Variants in GPHN observed in about 807,000 individuals in gnomAD.
GPHN encodes the protein gephyrin.
A neutral mutation model predicts 95.5 loss-of-function variants in GPHN; 17 were observed. The observed-to-expected ratio is 0.18, with a 90% CI of 0.12 to 0.27. The LOEUF (loss-of-function observed/expected upper bound fraction) is 0.27. GPHN is among the 10% of genes least tolerant of loss of function. The pLI is 1.00. For missense variants in GPHN, 660 were observed against 978.1 expected (o/e 0.67, Z 4.34); for synonymous variants, 320 against 322.5 (o/e 0.99, Z 0.08).
the GPHN span, chr14:67,323,638 C>A: frequency 3.4e-5 from 14 of 416,232 alleles, no homozygotes; most frequent in African/African-American, 7.3e-5. Flanking sequence ...ATATATATAT[C>A]AGTATTATTA....
intron 19 of GPHN, 103 bp from the exon 20 acceptor site, chr14:67,165,059 T>C: frequency 1.2e-6 from 1 of 801,870 alleles, no homozygotes. Flanking sequence ...CAGAAAAGTG[T>C]TTTTTATATG....
the GPHN span, among the ~76,000 whole-genome samples, chr14:67,667,977 G>A: frequency 2.4e-4 from 36 of 152,086 alleles, 2 homozygotes; most frequent in African/African-American, 8.7e-4. Flanking sequence ...AAAAAAATGA[G>A]GAGTTAGAAT....
chr14:67,584,438 T>C, the GPHN span, among the ~76,000 whole-genome samples: 1 of 152,236 alleles, frequency 6.6e-6, no homozygotes, highest in Non-Finnish European at 1.5e-5. Context: ...AAGAACAATG[T>C]ATAACCTAAA....
intron 5 of GPHN, among the ~76,000 whole-genome samples, chr14:66,883,446 A>T (rs998699822): frequency 2.6e-5 from 4 of 152,042 alleles, no homozygotes; most frequent in African/African-American, 9.7e-5. Context: ...CATGGAGAAT[A>T]GTTATAATAA....
At chr14:67,623,250 A>G in the GPHN span, among the ~76,000 whole-genome samples, 2 of 152,300 alleles carry the variant, frequency 1.3e-5, no homozygotes, top group Admixed American at 1.3e-4. Flanking sequence ...GTACCAAGAG[A>G]CATTTCAGTT....
intron 9 of GPHN, among the ~76,000 whole-genome samples, chr14:67,013,777 G>A (rs1477317720): frequency 6.6e-6 from 1 of 151,476 alleles, no homozygotes; most frequent in African/African-American, 2.4e-5. Flanking sequence ...TAAAGCATTA[G>A]GGTTTTTTTA....
At chr14:66,911,032 A>T (rs1392032628) in intron 5 of GPHN, among the ~76,000 whole-genome samples, 1 of 152,080 alleles carries the variant, frequency 6.6e-6, no homozygotes, top group Non-Finnish European at 1.5e-5. Context: ...TTTGTATATA[A>T]ATTTCAAAAG....
At chr14:67,081,794 C>A (rs942150794) in intron 11 of GPHN, among the ~76,000 whole-genome samples, 1 of 152,148 alleles carries the variant, frequency 6.6e-6, no homozygotes, top group Admixed American at 6.5e-5. Flanking sequence ...AGAGGAGGAT[C>A]CAGTTTCATT....
At chr14:67,500,879 T>C in the GPHN span, among the ~76,000 whole-genome samples, 20 of 151,912 alleles carry the variant, frequency 1.3e-4, no homozygotes, top group Non-Finnish European at 2.5e-4. Flanking sequence ...CCTGGATATT[T>C]TTTAAAGTTT....
chr14:66,509,670 G>A (rs2057959397), intron 1 of GPHN, among the ~76,000 whole-genome samples: 2 of 152,198 alleles, frequency 1.3e-5, no homozygotes, highest in African/African-American at 2.4e-5. Flanking sequence ...TTAGTTTGGA[G>A]TGAAGGAAAT....
At chr14:67,629,194 GGT>G in the GPHN span, among the ~76,000 whole-genome samples, 1 of 152,122 alleles carries the variant, frequency 6.6e-6, no homozygotes, top group South Asian at 2.1e-4. Context: ...AAATTAGCCA[GGT>G]GTGGTGGTGC....
the GPHN span, among the ~76,000 whole-genome samples, chr14:67,409,226 G>C: frequency 6.6e-6 from 1 of 151,968 alleles, no homozygotes; most frequent in East Asian, 1.9e-4. Flanking sequence ...CTGGGCAACA[G>C]AGTGAGACCC....
the GPHN span, among the ~76,000 whole-genome samples, chr14:67,206,706 G>A: frequency 6.6e-6 from 1 of 151,826 alleles, no homozygotes; most frequent in African/African-American, 2.4e-5. Flanking sequence ...TCTGGGCAGT[G>A]GCATCAAACA....
intron 11 of GPHN, among the ~76,000 whole-genome samples, chr14:67,078,720 G>A (rs1489808797): frequency 1.3e-5 from 2 of 152,100 alleles, no homozygotes; most frequent in Non-Finnish European, 2.9e-5. Context: ...AAATTGTTTA[G>A]TCCTAAACTT....
At chr14:67,187,451 C>G in the GPHN span, among the ~76,000 whole-genome samples, 2 of 152,168 alleles carry the variant, frequency 1.3e-5, no homozygotes, top group African/African-American at 2.4e-5. Flanking sequence ...CAAGTTAACT[C>G]CCTCCTTTCC....
chr14:67,589,847 G>A, the GPHN span: 15 of 1,203,880 alleles, frequency 1.2e-5, no homozygotes, highest in Non-Finnish European at 1.5e-5. Flanking sequence ...AAATTCTTAA[G>A]GTCTCCCCTC....
At chr14:67,683,147 G>A in the GPHN span, among the ~76,000 whole-genome samples, 2 of 152,200 alleles carry the variant, frequency 1.3e-5, no homozygotes, top group South Asian at 2.1e-4. Context: ...TGGTCTACAC[G>A]GCTGCTGTTG....
the GPHN span, among the ~76,000 whole-genome samples, chr14:67,398,701 C>T: frequency 1.8e-4 from 28 of 152,066 alleles, no homozygotes; most frequent in African/African-American, 6.5e-4. Context: ...GGACTACAAG[C>T]GTGTGCCACC....
chr14:66,601,976 T>G (rs926731141), intron 1 of GPHN, among the ~76,000 whole-genome samples: 1 of 151,994 alleles, frequency 6.6e-6, no homozygotes, highest in African/African-American at 2.4e-5. Flanking sequence ...TCAGATTTGG[T>G]GTCCTTGTAA....
Sources: gnomAD v4.1 joint callset for allele counts (sites outside exome capture counted in the v4.1 genomes callset) on GRCh38, gnomAD v4.1.1 for gene constraint, MANE v1.5 for transcripts, NCBI Gene and HGNC (gene_info 2026-07-23, HGNC 2026-07-21) for gene names.